The following APBA1 variants were observed in gnomAD, a reference collection of about 807,000 sequenced individuals.
APBA1 encodes the protein amyloid-beta A4 precursor protein-binding family A member 1.
A neutral mutation model predicts 86.6 loss-of-function variants in APBA1; 55 were observed. That is an observed-to-expected ratio of 0.64 (90% CI 0.51 to 0.80). The LOEUF (loss-of-function observed/expected upper bound fraction) is 0.80, where lower values mean the gene tolerates loss of function less well. Among genes scored for constraint, APBA1 ranks in the 30% least tolerant of loss-of-function variants. The probability of loss-of-function intolerance (pLI) is 0.00; values close to 1 mark genes in which losing one functional copy is unlikely to be tolerated. For missense variants in APBA1, 1,090 were observed against 1,183.0 expected (o/e 0.92, Z 1.15); for synonymous variants, 511 against 493.9 (o/e 1.03, Z -0.46).
chr9:69,495,058 A>T (rs1415736293), intron 2 of APBA1, among the ~76,000 whole-genome samples: 1 of 152,116 alleles, frequency 6.6e-6, no homozygotes, highest in East Asian at 1.9e-4. Context: ...TGCAATGCTG[A>T]CGGGGAGAAA....
chr9:69,593,026 C>A (rs1260241787), intron 1 of APBA1, among the ~76,000 whole-genome samples: 2 of 152,106 alleles, frequency 1.3e-5, no homozygotes, highest in Admixed American at 1.3e-4. Context: ...TATAAAATGC[C>A]ATATAAGAAA....
chr9:69,606,722 G>A (rs1822482869), intron 1 of APBA1, among the ~76,000 whole-genome samples: 1 of 151,908 alleles, frequency 6.6e-6, no homozygotes, highest in Admixed American at 6.6e-5. Flanking sequence ...TCAACCTCCT[G>A]ACCTCGTGAT....
chr9:69,530,674 ATACCCAT>A (rs1159678898), intron 1 of APBA1, among the ~76,000 whole-genome samples: 1 of 152,218 alleles, frequency 6.6e-6, no homozygotes, highest in Non-Finnish European at 1.5e-5. Context: ...AGTATGCAGT[ATACCCAT>A]GTAACAAACA....
intron 2 of APBA1, among the ~76,000 whole-genome samples, chr9:69,495,933 A>T (rs1161819266): frequency 6.6e-6 from 1 of 152,092 alleles, no homozygotes; most frequent in Non-Finnish European, 1.5e-5. Context: ...GGCCTGAGAC[A>T]GCCTCATGCT....
rs143481460 is a variant in APBA1, at chr9:69,563,380, C to T, written c.-69-46101G>A. ...AGAGATATCTTCAAAACTTCTCTTC[C>T]GAAATGACTACAAATAAAAAGCTGT... On this transcript the variant is annotated intron_variant, in intron 1 of 12. Coordinates refer to ENST00000265381, the MANE Select transcript of APBA1 (RefSeq NM_001163.4). Among the ~76,000 whole-genome samples the T allele has an allele frequency of 3.4e-3, 516 of 152,274 alleles. 4 individuals are homozygous for T. Among genetic ancestry groups the T allele is most frequent in the African/African-American group, 0.012 (489 of 41,542 alleles).
At chr9:69,611,285 GAAAA>G (rs56357426) in intron 1 of APBA1, among the ~76,000 whole-genome samples, 65 of 111,910 alleles carry the variant, frequency 5.8e-4, no homozygotes, top group Middle Eastern at 0.012. Flanking sequence ...ACCAGAAAAG[GAAAA>G]AAAAAAAAAA....
intron 1 of APBA1, among the ~76,000 whole-genome samples, chr9:69,643,196 C>A (rs1446986331): frequency 6.6e-6 from 1 of 152,078 alleles, no homozygotes. Context: ...CCCCTACAAC[C>A]CAAAATTGTT....
At chr9:69,513,783 T>C (rs1039934241) in intron 2 of APBA1, among the ~76,000 whole-genome samples, 10 of 152,196 alleles carry the variant, frequency 6.6e-5, no homozygotes, top group Non-Finnish European at 1.5e-4. Context: ...AGGAGGTGAA[T>C]GCTACCACTC....
chr9:69,552,907 C>T (rs1588359050), intron 1 of APBA1, among the ~76,000 whole-genome samples: 7 of 135,538 alleles, frequency 5.2e-5, no homozygotes, highest in South Asian at 2.3e-4. Context: ...CTTTCTTGGG[C>T]TTTTTTTTTT....
chr9:69,448,066 G>A (rs1390134394), intron 10 of APBA1, among the ~76,000 whole-genome samples: 6 of 151,394 alleles, frequency 4.0e-5, no homozygotes, highest in Non-Finnish European at 7.4e-5. Flanking sequence ...CAGCCGTTCC[G>A]GGCCAGGCTC....
intron 1 of APBA1, among the ~76,000 whole-genome samples, chr9:69,540,178 G>A (rs920946834): frequency 7.0e-6 from 1 of 143,370 alleles, no homozygotes; most frequent in Non-Finnish European, 1.6e-5. Flanking sequence ...TATAAGACAT[G>A]CTCCCTGACA....
chr9:69,616,786 G>A (rs909852578), intron 1 of APBA1, among the ~76,000 whole-genome samples: 2 of 152,110 alleles, frequency 1.3e-5, no homozygotes, highest in African/African-American at 4.8e-5. Context: ...CAGCACTGAG[G>A]GAAAATCAAA....
chr9:69,442,815 T>C (rs1834847297), intron 10 of APBA1, among the ~76,000 whole-genome samples: 1 of 152,166 alleles, frequency 6.6e-6, no homozygotes, highest in African/African-American at 2.4e-5. Context: ...AGGACTTACA[T>C]TTCACATTTT....
chr9:69,493,099 T>C (rs1485268040), intron 2 of APBA1, among the ~76,000 whole-genome samples: 1 of 152,048 alleles, frequency 6.6e-6, no homozygotes, highest in Non-Finnish European at 1.5e-5. Context: ...CAGACACCTG[T>C]CATTAAGCAC....
intron 1 of APBA1, among the ~76,000 whole-genome samples, chr9:69,538,482 C>G (rs1243341263): frequency 6.6e-6 from 1 of 152,112 alleles, no homozygotes; most frequent in Non-Finnish European, 1.5e-5. Context: ...GCCCTAACAC[C>G]CTACTTATTT....
At chr9:69,606,768 A>G (rs890387009) in intron 1 of APBA1, among the ~76,000 whole-genome samples, 5 of 152,082 alleles carry the variant, frequency 3.3e-5, no homozygotes, top group African/African-American at 1.2e-4. Context: ...CTGGGATTAC[A>G]GGCTTGAGCC....
Position 69,504,722 on chromosome 9 carries a change from C to T in APBA1, c.1200+11289G>A, listed in dbSNP as rs571637034. On this transcript the variant is annotated intron_variant, in intron 2 of 12. Transcript: ENST00000265381. The stretch of plus-strand genomic sequence containing the variant: ...CAACTAAGAGTTGTAAGGTATTCTC[C>T]GGGTCTCACTGCTTAGTGGGCCGTG... Among the ~76,000 whole-genome samples, 174 of 152,070 alleles carry T rather than the reference C, an allele frequency of 1.1e-3. 2 individuals are homozygous for T. Among genetic ancestry groups the T allele is most frequent in the African/African-American group, 3.9e-3 (161 of 41,476 alleles).
chr9:69,578,748 T>C lies in APBA1; in HGVS notation c.-69-61469A>G, dbSNP rs1298176554. Among the ~76,000 whole-genome samples, 4 of 152,216 alleles carry C rather than the reference T, an allele frequency of 2.6e-5. No homozygotes were observed. The East Asian group carries it at 7.7e-4, about 29-fold the overall frequency. On this transcript the variant is annotated intron_variant, in intron 1 of 12. Transcript: ENST00000265381. Reference sequence around the variant, plus strand: ...GGTGCCATCTCTGCTGTTCTCCTTCTAGTCTTAACAGTCTAGCTTAGCACA... The same window carrying C: ...GGTGCCATCTCTGCTGTTCTCCTTCCAGTCTTAACAGTCTAGCTTAGCACA...
intron 2 of APBA1, among the ~76,000 whole-genome samples, chr9:69,492,082 T>A (rs1051306935): frequency 2.6e-5 from 4 of 152,236 alleles, no homozygotes; most frequent in African/African-American, 9.6e-5. Context: ...GAAATGTTTT[T>A]AATTTTATAT....
Sources: gnomAD v4.1 joint callset for allele counts (sites outside exome capture counted in the v4.1 genomes callset) on GRCh38, gnomAD v4.1.1 for gene constraint, MANE v1.5 for transcripts, NCBI Gene and HGNC (gene_info 2026-07-23, HGNC 2026-07-21) for gene names.